PRRC2C: variants seen among roughly 807,000 people sequenced by gnomAD.
The protein encoded by PRRC2C is proline rich coiled-coil 2C.
PRRC2C carries 72 observed loss-of-function variants against 317.2 expected under a neutral mutation model. The ratio of observed to expected loss-of-function variants is 0.23; its 90% confidence interval spans 0.19 to 0.28. The LOEUF (loss-of-function observed/expected upper bound fraction) is 0.28, where lower values mean the gene tolerates loss of function less well. PRRC2C is among the 10% of genes least tolerant of loss of function. The pLI, the probability that PRRC2C is intolerant of heterozygous loss-of-function variation, is 1.00. For missense variants in PRRC2C, 3,074 were observed against 3,459.7 expected (o/e 0.89, Z 2.80); for synonymous variants, 1,296 against 1,205.9 (o/e 1.07, Z -1.55).
Position 171,571,429 on chromosome 1 carries a change from CA to C in PRRC2C, c.6753+10del. The stretch of plus-strand genomic sequence containing the variant: ...TTCAGCCTCACCTTCAAGGTATGTA[CA>C]ACATCCATCTCTAAGAGTCCTTAAT... On this transcript the variant is annotated intron_variant, in intron 24 of 34. Coordinates refer to ENST00000647382, the MANE Select transcript of PRRC2C (RefSeq NM_001387844.1). The C allele has an allele frequency of 1.3e-6, 2 of 1,554,592 alleles. No individual in the cohort carries two copies. The highest frequency in any genetic ancestry group is 2.7e-5 in the African/African-American group (2 of 73,706).
intron 15 of PRRC2C, among the ~76,000 whole-genome samples, chr1:171,539,225 T>G (rs1471535791): frequency 6.6e-6 from 1 of 151,792 alleles, no homozygotes; most frequent in Admixed American, 6.6e-5. Context: ...GGTCTCGAAC[T>G]CCCGACCTCA....
chr1:171,505,560 GTTTC>G (rs1019008661), intron 1 of PRRC2C, among the ~76,000 whole-genome samples: 24 of 151,398 alleles, frequency 1.6e-4, no homozygotes, highest in African/African-American at 5.1e-4. Flanking sequence ...TTTTTTTGTT[GTTTC>G]TTTCTTATTT....
chr1:171,560,831 A>G (rs1161429574), intron 19 of PRRC2C, among the ~76,000 whole-genome samples, 187 bp from the exon 20 acceptor site: 2 of 152,194 alleles, frequency 1.3e-5, no homozygotes, highest in Non-Finnish European at 2.9e-5. Context: ...AACTGAACCC[A>G]CAATGTTTCT....
At chr1:171,536,318 T>C in intron 14 of PRRC2C, 40 bp downstream of exon 14, 1 of 1,567,646 alleles carries the variant, frequency 6.4e-7, no homozygotes, top group Non-Finnish European at 8.7e-7. Flanking sequence ...AGGATCAAAA[T>C]TTTTTTTTCC....
Position 171,587,311 on chromosome 1 carries a change from G to A in PRRC2C, c.7968+90G>A, listed in dbSNP as rs1265690271. On this transcript the variant is annotated intron_variant, in intron 31 of 34. Transcript: ENST00000647382. ...TCTGTGTTATCTAAAAAACTAAAAT[G>A]CGTCAGTTTTTACCACCCTGCAAAA... The A allele has an allele frequency of 8.1e-6, 10 of 1,227,380 alleles. No homozygotes were observed. The South Asian group carries it at 1.4e-4, about 17-fold the overall frequency. The allele number at this position is 1,227,380 out of a possible 1,614,324, so 76.0% of individuals were successfully genotyped here.
At position 171,557,844 on chromosome 1, in the gene PRRC2C, C is replaced by T. The variant is rs1265998917; in HGVS notation, c.5732C>T (p.Ala1911Val). The T allele has an allele frequency of 6.5e-7, 1 of 1,546,336 alleles. No individual in the cohort carries two copies. The highest frequency in any genetic ancestry group is 2.4e-5 in the East Asian group (1 of 40,862). Residue 1911 changes from alanine to valine, a missense_variant, in exon 19 of 35, where the codon GCT (alanine) becomes GTT (valine). Transcript: ENST00000647382. ...TCAGTCCCACTTGCCCCTGCCTCAG[C>T]TTCAGCCCCAGCCCCAGCCCCTACC... Reference protein sequence around the residue: ...TASVPLAPASASAPAPAPTPV... With the variant: ...TASVPLAPASVSAPAPAPTPV...
rs754514789 is a variant in PRRC2C, at chr1:171,579,324, C to A, written c.7160-30C>A. 4 of 1,593,068 alleles carry A rather than the reference C, an allele frequency of 2.5e-6. No individual in the cohort carries two copies. The Admixed American group carries it at 5.2e-5, about 21-fold the overall frequency. On this transcript the variant is annotated intron_variant, in intron 26 of 34. Transcript: ENST00000647382. ...GAAAATTCTGAAATTAGGACACTTA[C>A]TACTGCTTGTTTATCCTGATGGTCT... is the stretch of plus-strand genomic sequence containing the variant.
At chr1:171,576,517 C>G (rs1333024409) in intron 25 of PRRC2C, among the ~76,000 whole-genome samples, 4 of 152,160 alleles carry the variant, frequency 2.6e-5, no homozygotes, top group Admixed American at 1.3e-4. Flanking sequence ...TGGGCTAGTA[C>G]TAAAGTCATA....
Position 171,541,459 on chromosome 1 carries a change from T to C in PRRC2C, c.3993T>C (p.Ala1331=). ...EKPYVRDDDK[A]KPGFLPKGEP... Reference sequence around the variant, plus strand: ...CTTATGTAAGGGATGACGATAAAGCTAAACCAGGCTTTCTTCCTAAAGGAG... The same window carrying C: ...CTTATGTAAGGGATGACGATAAAGCCAAACCAGGCTTTCTTCCTAAAGGAG... Residue 1331 remains alanine, a synonymous_variant, in exon 16 of 35, where the codon GCT becomes GCC. Transcript: ENST00000647382. This position sits in a 1 kb window ranked among gnomAD's most constrained non-coding sequence, Gnocchi z 4.1. 1 of 1,613,816 alleles carries C rather than the reference T, an allele frequency of 6.2e-7. No individual in the cohort carries two copies. The highest frequency in any genetic ancestry group is 1.1e-5 in the South Asian group (1 of 91,068).
intron 34 of PRRC2C, chr1:171,591,063 T>G (rs1015129742): frequency 4.9e-5 from 28 of 577,182 alleles, no homozygotes; most frequent in Non-Finnish European, 5.9e-5. Context: ...TAAGAAATTA[T>G]TTACCAGCTC....
intron 14 of PRRC2C, 31 bp downstream of exon 14, chr1:171,536,309 G>A: frequency 4.4e-6 from 7 of 1,591,024 alleles, no homozygotes; most frequent in Non-Finnish European, 6.0e-6. Flanking sequence ...TAGTTTTACA[G>A]GATCAAAATT....
intron 1 of PRRC2C, among the ~76,000 whole-genome samples, chr1:171,508,833 G>A (rs1275011180): frequency 6.6e-6 from 1 of 151,926 alleles, no homozygotes. Context: ...TTTACATTTT[G>A]TCAAGTGTTG....
intron 18 of PRRC2C, among the ~76,000 whole-genome samples, chr1:171,555,906 T>G (rs1055430659): frequency 6.6e-6 from 1 of 152,194 alleles, no homozygotes; most frequent in African/African-American, 2.4e-5. Flanking sequence ...AGTCTGTCTC[T>G]TCTCAGAGCT....
chr1:171,580,969 A>G (rs577132556), intron 28 of PRRC2C, among the ~76,000 whole-genome samples: 2 of 152,338 alleles, frequency 1.3e-5, no homozygotes, highest in Admixed American at 6.5e-5. Flanking sequence ...TATTACCATA[A>G]TGATACTCCT....
intron 11 of PRRC2C, among the ~76,000 whole-genome samples, chr1:171,528,437 C>T (rs948945345): frequency 1.3e-5 from 2 of 152,024 alleles, no homozygotes; most frequent in Non-Finnish European, 1.5e-5. Flanking sequence ...TACAGATGCC[C>T]GCCACCACGC....
In PRRC2C at chr1:171,540,866, G is replaced by A. The variant is rs777309495; in HGVS notation, c.3400G>A (p.Val1134Ile). 3.1e-6 allele frequency: 5 copies of A among 1,613,574 alleles called. No individual in the cohort carries two copies. Among genetic ancestry groups the A allele is most frequent in the African/African-American group, 1.3e-5 (1 of 74,860 alleles). ...VNQQTMAAPV[V>I]KEEKQPEKVI... ...CCAACAGACTATGGCAGCACCAGTA[G>A]TCAAAGAAGAAAAACAACCTGAGAA... The change falls in exon 16 of 35, where the codon GTC becomes ATC. Residue 1134 changes from valine to isoleucine, a missense_variant. Val to Ile is a conservative substitution (Grantham distance 29). Around this residue, in one of 11 missense-constraint regions of PRRC2C, gnomAD observed 1,320 missense variants for 1,395.7 expected, o/e 0.95. Transcript: ENST00000647382.
In PRRC2C at chr1:171,519,478, T is replaced by C. The variant is rs141178297; in HGVS notation, c.750+1664T>C. On this transcript the variant is annotated intron_variant, in intron 6 of 34. Coordinates refer to ENST00000647382, the MANE Select transcript of PRRC2C (RefSeq NM_001387844.1). ...CCTTTGGAGCTTATCTGTTATAATT[T>C]GTTAACCTGTGAAGTTCCTCAGATT... Among the ~76,000 whole-genome samples the C allele has an allele frequency of 7.2e-5, 11 of 152,366 alleles. No homozygotes were observed. The East Asian group carries it at 1.9e-3, about 27-fold the overall frequency.
intron 7 of PRRC2C, 79 bp from the exon 8 acceptor site, chr1:171,523,142 C>CTAAATT: frequency 7.5e-7 from 1 of 1,339,140 alleles, no homozygotes; most frequent in Non-Finnish European, 1.0e-6. Context: ...TTGAAATGAA[C>CTAAATT]TAAATTCCAA....
intron 26 of PRRC2C, among the ~76,000 whole-genome samples, chr1:171,578,522 CCT>C (rs1258048235): frequency 6.6e-6 from 1 of 150,518 alleles, no homozygotes; most frequent in Non-Finnish European, 1.5e-5. Context: ...GGAGTGAGGC[CCT>C]GTCTCGTCGT....
Sources: gnomAD v4.1 joint callset for allele counts (sites outside exome capture counted in the v4.1 genomes callset) on GRCh38, gnomAD v4.1.1 for gene constraint, gnomAD v4.1.1 regional missense constraint, Gnocchi (gnomAD v3.1) non-coding constraint, MANE v1.5 for transcripts, NCBI Gene and HGNC (gene_info 2026-07-23, HGNC 2026-07-21) for gene names.